ZNF462: variants seen among roughly 807,000 people sequenced by gnomAD.
ZNF462 encodes the protein zinc finger PBX1-interacting protein.
ZNF462 carries 10 observed loss-of-function variants against 201.9 expected under a neutral mutation model. That is an observed-to-expected ratio of 0.05 (90% CI 0.03 to 0.08). The LOEUF is 0.08. Ranked by LOEUF, ZNF462 falls within the 10% of genes least tolerant of loss-of-function variation. ZNF462 has a pLI of 1.00. For missense variants in ZNF462, 2,523 were observed against 3,168.3 expected (o/e 0.80, Z 4.89); for synonymous variants, 1,227 against 1,193.3 (o/e 1.03, Z -0.58).
At chr9:106,878,157 C>A (rs1827920382) in intron 1 of ZNF462, among the ~76,000 whole-genome samples, 1 of 152,162 alleles carries the variant, frequency 6.6e-6, no homozygotes, top group Non-Finnish European at 1.5e-5. Context: ...CACTTCCTAG[C>A]TTTGTGAACC....
chr9:106,942,065 A>C (rs1830896585), intron 7 of ZNF462, among the ~76,000 whole-genome samples: 1 of 152,234 alleles, frequency 6.6e-6, no homozygotes, highest in African/African-American at 2.4e-5. Context: ...GAACACACCA[A>C]CCAAAAATGT....
intron 1 of ZNF462, among the ~76,000 whole-genome samples, chr9:106,915,225 T>A (rs545844029): frequency 1.8e-4 from 28 of 151,662 alleles, no homozygotes; most frequent in South Asian, 4.2e-4. Context: ...TTTTTTTTTT[T>A]AAAACAGCTC....
In ZNF462 at chr9:106,924,259, A is replaced by G; in HGVS notation, c.347A>G (p.Tyr116Cys). 2 of 1,614,148 alleles carry G rather than the reference A, an allele frequency of 1.2e-6. No homozygotes were observed. The highest frequency in any genetic ancestry group is 1.7e-6 in the Non-Finnish European group (2 of 1,180,028). The change falls in exon 3 of 13, where the codon TAC (tyrosine) becomes TGC (cysteine). Residue 116 changes from tyrosine to cysteine, a missense_variant. By Grantham distance (194) the Tyr-to-Cys change is radical (BLOSUM62 -2). Coordinates refer to ENST00000277225, the MANE Select transcript of ZNF462 (RefSeq NM_021224.6). This position sits in a 1 kb window ranked among gnomAD's most constrained non-coding sequence, Gnocchi z 6.2. The part of the protein sequence containing the change: ...KFFQCKFCVR[Y>C]FRSKNLLIEH... ...TTTCAATGCAAGTTCTGTGTACGCT[A>G]CTTCAGGTCAAAAAACCTCCTCATA...
At position 106,974,199 on chromosome 9, in the gene ZNF462, A is replaced by G; in HGVS notation, c.6758A>G (p.Asp2253Gly). The change falls in exon 9 of 13, where the codon GAT (aspartate) becomes GGT (glycine). Residue 2253 changes from aspartate to glycine, a missense_variant. By Grantham distance (94) the Asp-to-Gly change is moderately conservative. Around this residue, in one of 15 missense-constraint regions of ZNF462, gnomAD observed 228 missense variants for 361.2 expected, o/e 0.63. Transcript: ENST00000277225. The surrounding 1 kb of genome is among the most constrained non-coding windows in gnomAD (Gnocchi z 4.0). The stretch of plus-strand genomic sequence containing the variant: ...GCAGTTCCCGAGGAGGGCCCCAAAG[A>G]TCTTCGCTGTCCTCTCTGCCTCTAT... ...HSAVPEEGPK[D>G]LRCPLCLYHT... The G allele has an allele frequency of 6.2e-7, 1 of 1,614,110 alleles. No individual in the cohort carries two copies. The highest frequency in any genetic ancestry group is 8.5e-7 in the Non-Finnish European group (1 of 1,180,012).
intron 1 of ZNF462, among the ~76,000 whole-genome samples, chr9:106,874,091 TTAGA>T (rs548373923): frequency 1.4e-3 from 209 of 152,310 alleles, no homozygotes; most frequent in Non-Finnish European, 2.5e-3. Context: ...CGTTATTTTC[TTAGA>T]TAAAGGACTA....
Position 106,963,563 on chromosome 9 carries a change from C to T in ZNF462, c.6428-8442C>T, listed in dbSNP as rs143962460. Among the ~76,000 whole-genome samples the T allele has an allele frequency of 5.0e-4, 76 of 152,084 alleles. 1 individual carries two copies. In the East Asian group the frequency reaches 0.015, roughly 29 times the overall value. On this transcript the variant is annotated intron_variant, in intron 7 of 12. Transcript: ENST00000277225. The surrounding 1 kb of genome is among the most constrained non-coding windows in gnomAD (Gnocchi z 4.7). ...TGTATAGCACGGCTGTCCACAAATT[C>T]AATCTAATGGATATTTTCTTAAGTA...
intron 7 of ZNF462, among the ~76,000 whole-genome samples, chr9:106,939,855 C>G (rs1266666923): frequency 9.9e-5 from 15 of 152,196 alleles, no homozygotes; most frequent in Admixed American, 9.8e-4. Context: ...CATCTCACCT[C>G]AAATGATTGC....
chr9:106,921,767 G>T (rs372931320), intron 1 of ZNF462, among the ~76,000 whole-genome samples: 5 of 152,260 alleles, frequency 3.3e-5, no homozygotes, highest in African/African-American at 1.2e-4. Flanking sequence ...AGTGGGGTGG[G>T]GCCTCAGTGA....
chr9:106,866,728 T>C (rs1324878393), intron 1 of ZNF462, among the ~76,000 whole-genome samples: 1 of 152,206 alleles, frequency 6.6e-6, no homozygotes, highest in Non-Finnish European at 1.5e-5. Flanking sequence ...CAATATTATA[T>C]TTAAATTTGC....
rs1201506306 is a variant in ZNF462, at chr9:107,008,916, A to G, written c.7190-629A>G. Among the ~76,000 whole-genome samples, 1 of 152,194 alleles carries G rather than the reference A, an allele frequency of 6.6e-6. No individual in the cohort carries two copies. The highest frequency in any genetic ancestry group is 1.5e-5 in the Non-Finnish European group (1 of 68,030). ...AATAGCAGGGGACATGTGTTCACAT[A>G]CTGGTTCCCACTCATCCAGATAAAT... On this transcript the variant is annotated intron_variant, in intron 11 of 12. Transcript: ENST00000277225. This position sits in a 1 kb window ranked among gnomAD's most constrained non-coding sequence, Gnocchi z 4.8.
chr9:106,873,981 G>T (rs1827715261), intron 1 of ZNF462, among the ~76,000 whole-genome samples: 1 of 152,130 alleles, frequency 6.6e-6, no homozygotes, highest in Admixed American at 6.5e-5. Context: ...TTCGTAGAAG[G>T]ATAAACACAT....
intron 4 of ZNF462, among the ~76,000 whole-genome samples, chr9:106,931,691 C>G (rs1830433543): frequency 6.6e-6 from 1 of 152,138 alleles, no homozygotes; most frequent in Non-Finnish European, 1.5e-5. Flanking sequence ...AAGGAGCTAT[C>G]TCGAAAAACA....
intron 7 of ZNF462, among the ~76,000 whole-genome samples, chr9:106,949,193 T>C (rs1831234629): frequency 6.6e-6 from 1 of 152,198 alleles, no homozygotes; most frequent in Admixed American, 6.5e-5. Context: ...ACTTGCCAAA[T>C]ATTCTTATAA....
In ZNF462 at chr9:106,872,827, C is replaced by T. The variant is rs927434860; in HGVS notation, c.-31+9472C>T. Among the ~76,000 whole-genome samples the T allele has an allele frequency of 5.3e-5, 8 of 152,094 alleles. No individual in the cohort carries two copies. Among genetic ancestry groups the T allele is most frequent in the Admixed American group, 5.2e-4 (8 of 15,268 alleles). On this transcript the variant is annotated intron_variant, in intron 1 of 12. Coordinates refer to ENST00000277225, the MANE Select transcript of ZNF462 (RefSeq NM_021224.6). The surrounding 1 kb of genome is among the most constrained non-coding windows in gnomAD (Gnocchi z 4.5). ...CTGCCAACTCTATAGAGTGGGAATA[C>T]CACATAGGACCTTAAAAAATGCTGT...
chr9:106,900,511 G>A (rs141987794), intron 1 of ZNF462, among the ~76,000 whole-genome samples: 1 of 152,248 alleles, frequency 6.6e-6, no homozygotes, highest in East Asian at 1.9e-4. Context: ...CACCAGCAGT[G>A]TAGAAGTGTT....
Position 107,009,675 on chromosome 9 carries a change from T to G in ZNF462, c.7313+7T>G, listed in dbSNP as rs759879361. 1 of 1,448,608 alleles carries G rather than the reference T, an allele frequency of 6.9e-7. No individual in the cohort carries two copies. The highest frequency in any genetic ancestry group is 1.1e-5 in the South Asian group (1 of 89,018). 89.7% of individuals were successfully genotyped at this position (1,448,608 alleles called of 1,614,324 possible). A position where few individuals can be genotyped will look rare whatever the true frequency, so the allele number is the denominator to read the frequency against. On this transcript the variant is annotated splice_region_variant and intron_variant, in intron 12 of 12. Transcript: ENST00000277225. The surrounding 1 kb of genome is among the most constrained non-coding windows in gnomAD (Gnocchi z 6.1). ...ATGTGCTGAGACACGGCATGTAAGT[T>G]GGGCCACTTCAAGGATGCCTTTGTC... is the stretch of plus-strand genomic sequence containing the variant.
chr9:106,910,367 T>TG (rs199932288), intron 1 of ZNF462, among the ~76,000 whole-genome samples: 2,225 of 146,000 alleles, frequency 0.015, 66 homozygotes, highest in African/African-American at 0.055. Context: ...TTTTAGTTTT[T>TG]TTTTTTTTTT....
chr9:106,980,113 T>C (rs1295414429), intron 9 of ZNF462, among the ~76,000 whole-genome samples: 1 of 152,190 alleles, frequency 6.6e-6, no homozygotes, highest in Non-Finnish European at 1.5e-5. Context: ...CTTTGCCTGA[T>C]AGAATTAGAG....
chr9:106,900,203 C>CGTGTGTGTGTGTGT (rs3056258), intron 1 of ZNF462, among the ~76,000 whole-genome samples: 1 of 134,652 alleles, frequency 7.4e-6, no homozygotes, highest in African/African-American at 2.8e-5. Context: ...AGTATTCCAT[C>CGTGTGTGTGTGTGT]GTGTGTGTGT....
Sources: allele counts gnomAD v4.1 joint callset (sites outside exome capture counted in the v4.1 genomes callset), GRCh38; gene constraint gnomAD v4.1.1; regional missense constraint gnomAD v4.1.1; non-coding constraint Gnocchi (gnomAD v3.1); transcripts MANE v1.5; gene names NCBI Gene and HGNC (gene_info 2026-07-23, HGNC 2026-07-21).